ANKS1B: variants seen among roughly 807,000 people sequenced by gnomAD.
The protein encoded by ANKS1B is ankyrin repeat and sterile alpha motif domain-containing protein 1B.
In ANKS1B, 36 loss-of-function variants were observed where a neutral mutation model predicts 148.3. The ratio of observed to expected loss-of-function variants is 0.24; its 90% CI spans 0.19 to 0.32. The LOEUF is 0.32. Among genes scored for constraint, ANKS1B ranks in the 10% least tolerant of loss-of-function variants. The probability of loss-of-function intolerance (pLI) is 1.00; values close to 1 mark genes in which losing one functional copy is unlikely to be tolerated. For synonymous variants in ANKS1B, 542 were observed against 560.8 expected (o/e 0.97, Z 0.47); for missense variants, 1,157 against 1,542.6 (o/e 0.75, Z 4.19).
intron 14 of ANKS1B, among the ~76,000 whole-genome samples, chr12:99,240,805 A>G (rs1044702569): frequency 6.6e-6 from 1 of 152,204 alleles, no homozygotes; most frequent in Admixed American, 6.5e-5. Context: ...CTACTGGGTA[A>G]ATAACAAAAT....
chr12:99,048,069 A>G (rs2099963615), intron 17 of ANKS1B, among the ~76,000 whole-genome samples: 1 of 152,230 alleles, frequency 6.6e-6, no homozygotes, highest in South Asian at 2.1e-4. Flanking sequence ...AATACTTAGT[A>G]GTCCATAGAG....
chr12:99,573,947 C>A (rs957285260), intron 9 of ANKS1B, among the ~76,000 whole-genome samples: 7 of 151,850 alleles, frequency 4.6e-5, no homozygotes, highest in African/African-American at 1.7e-4. Flanking sequence ...TTTTCACTTG[C>A]TACTTGTAAG....
chr12:99,410,887 T>C lies in ANKS1B; in HGVS notation c.1576-11076A>G, dbSNP rs915836528. Among the ~76,000 whole-genome samples the C allele has an allele frequency of 2.6e-5, 4 of 152,320 alleles. No homozygotes were observed. The South Asian group carries it at 8.3e-4, about 32-fold the overall frequency. On this transcript the variant is annotated intron_variant, in intron 11 of 26. Coordinates refer to ENST00000683438, the MANE Select transcript of ANKS1B (RefSeq NM_001352186.2). ...GTTCTTTTATTTGCTACTTAACGTA[T>C]TGCTCCCTTGGTCATGGAAACACTC... is the stretch of plus-strand genomic sequence containing the variant.
At position 99,044,388 on chromosome 12, in the gene ANKS1B, C is replaced by T. The variant is rs535670296; in HGVS notation, c.2778+8769G>A. Among the ~76,000 whole-genome samples, 14 of 149,220 alleles carry T rather than the reference C, an allele frequency of 9.4e-5. No individual in the cohort carries two copies. In the South Asian group the frequency reaches 3.3e-3, roughly 35 times the overall value. On this transcript the variant is annotated intron_variant, in intron 17 of 26. Coordinates refer to ENST00000683438, the MANE Select transcript of ANKS1B (RefSeq NM_001352186.2). ...TACACAAAGCTGAGAGAGTCTTTCC[C>T]TCTCACATTTACAAAGTCCAGGAGC...
chr12:98,738,615 CA>C (rs1161549867), intron 9 of ANKS1B, among the ~76,000 whole-genome samples: 8 of 152,206 alleles, frequency 5.3e-5, no homozygotes, highest in African/African-American at 9.6e-5. Flanking sequence ...TAAACCCCAG[CA>C]GCTAATCGGT....
intron 22 of ANKS1B, among the ~76,000 whole-genome samples, chr12:98,786,864 C>T (rs1250905657): frequency 6.6e-6 from 1 of 152,198 alleles, no homozygotes; most frequent in East Asian, 1.9e-4. Context: ...GCCCCGATTG[C>T]TCCCAGTGTA....
At chr12:99,038,429 T>C (rs2099956855) in intron 17 of ANKS1B, among the ~76,000 whole-genome samples, 1 of 152,158 alleles carries the variant, frequency 6.6e-6, no homozygotes, top group African/African-American at 2.4e-5. Flanking sequence ...CACACCACTT[T>C]AGTACAAGGC....
intron 10 of ANKS1B, among the ~76,000 whole-genome samples, chr12:99,472,362 C>T (rs181326961): frequency 1.2e-3 from 190 of 152,152 alleles, no homozygotes; most frequent in African/African-American, 4.1e-3. Context: ...TTTAGGTATC[C>T]CTCTGTCTCC....
chr12:99,590,300 A>G (rs1319670078), intron 9 of ANKS1B, among the ~76,000 whole-genome samples: 1 of 148,222 alleles, frequency 6.7e-6, no homozygotes, highest in African/African-American at 2.5e-5. Flanking sequence ...ACGCTTATTT[A>G]CCATCTAACT....
intron 1 of ANKS1B, among the ~76,000 whole-genome samples, chr12:99,975,718 C>A (rs1020108736): frequency 5.9e-5 from 9 of 152,170 alleles, no homozygotes; most frequent in African/African-American, 2.2e-4. Context: ...GGATATTAGG[C>A]CTTTGTCAGA....
In ANKS1B at chr12:99,923,955, C is replaced by T. The variant is rs2094426909; in HGVS notation, c.134+60149G>A. ...CTATTTAAAATTTTCATATTTTGTT[C>T]ATCACAGACTTTTTGCATACATTTT... is the stretch of plus-strand genomic sequence containing the variant. On this transcript the variant is annotated intron_variant, in intron 1 of 26. Transcript: ENST00000683438. Among the ~76,000 whole-genome samples the T allele has an allele frequency of 2.0e-5, 3 of 152,018 alleles. No individual in the cohort carries two copies. The South Asian group carries it at 6.2e-4, about 32-fold the overall frequency.
intron 9 of ANKS1B, among the ~76,000 whole-genome samples, chr12:99,645,078 A>C (rs555315853): frequency 3.3e-4 from 50 of 152,366 alleles, no homozygotes; most frequent in African/African-American, 1.1e-3. Context: ...ATATATTCAC[A>C]GGTTGTGAAG....
chr12:99,369,791 T>TAGATAGATAGATAGATAGACGGAC (rs879173702), intron 12 of ANKS1B, among the ~76,000 whole-genome samples: 115 of 148,892 alleles, frequency 7.7e-4, no homozygotes, highest in African/African-American at 1.4e-3. Flanking sequence ...GATAGATAGA[T>TAGATAGATAGATAGATAGACGGAC]GGACGGACGG....
chr12:99,942,008 G>C (rs2153816619), intron 1 of ANKS1B, among the ~76,000 whole-genome samples: 1 of 152,242 alleles, frequency 6.6e-6, no homozygotes, highest in Admixed American at 6.5e-5. Context: ...CTGGAGGACA[G>C]AGCACAGATT....
intron 14 of ANKS1B, among the ~76,000 whole-genome samples, chr12:99,171,239 T>A (rs1328539945): frequency 6.6e-6 from 1 of 152,234 alleles, no homozygotes; most frequent in African/African-American, 2.4e-5. Context: ...CTGAGAATTA[T>A]AAACTACATG....
At chr12:99,007,190 C>T (rs1452604097) in intron 17 of ANKS1B, among the ~76,000 whole-genome samples, 1 of 152,162 alleles carries the variant, frequency 6.6e-6, no homozygotes, top group Non-Finnish European at 1.5e-5. Context: ...GCCTACCCAC[C>T]AGCTATTTTT....
chr12:98,951,612 A>G (rs986219500), intron 17 of ANKS1B, among the ~76,000 whole-genome samples: 3 of 151,688 alleles, frequency 2.0e-5, no homozygotes, highest in Non-Finnish European at 2.9e-5. Context: ...TGCTCTCCTA[A>G]TTGTTCCATG....
chr12:99,062,248 G>A (rs1226138643), intron 16 of ANKS1B, among the ~76,000 whole-genome samples: 1 of 152,140 alleles, frequency 6.6e-6, no homozygotes, highest in African/African-American at 2.4e-5. Flanking sequence ...AATATCTATC[G>A]CTGAGCGTTG....
chr12:99,616,779 A>C (rs1158264685), intron 9 of ANKS1B, among the ~76,000 whole-genome samples: 1 of 152,228 alleles, frequency 6.6e-6, no homozygotes, highest in African/African-American at 2.4e-5. Context: ...ACAAAAGCCA[A>C]AATTGACAAA....
Sources: gnomAD v4.1 joint callset for allele counts (sites outside exome capture counted in the v4.1 genomes callset) on GRCh38, gnomAD v4.1.1 for gene constraint, MANE v1.5 for transcripts, NCBI Gene and HGNC (gene_info 2026-07-23, HGNC 2026-07-21) for gene names.